CSTPP1: variants seen among roughly 807,000 people sequenced by gnomAD.
CSTPP1 encodes centriolar satellite-associated tubulin polyglutamylase complex regulator 1, also known as UPF0705 protein C11orf49.
chr11:47,074,365 G>C, the CSTPP1 span, among the ~76,000 whole-genome samples: 1 of 151,630 alleles, frequency 6.6e-6, no homozygotes, highest in Non-Finnish European at 1.5e-5. Flanking sequence ...ACCAGGCATA[G>C]TGGCTCACGC....
the CSTPP1 span, among the ~76,000 whole-genome samples, chr11:47,049,608 T>C: frequency 1.3e-5 from 2 of 151,940 alleles, no homozygotes. Flanking sequence ...GCCACTGCAC[T>C]CCAGACTGGG....
chr11:46,967,478 A>C, the CSTPP1 span, among the ~76,000 whole-genome samples: 1 of 152,190 alleles, frequency 6.6e-6, no homozygotes, highest in Non-Finnish European at 1.5e-5. Flanking sequence ...AAATCTTAAA[A>C]TCAGGTAGAG....
At chr11:46,985,081 T>C in the CSTPP1 span, among the ~76,000 whole-genome samples, 1 of 151,516 alleles carries the variant, frequency 6.6e-6, no homozygotes, top group South Asian at 2.1e-4. Context: ...TGTTTTCACC[T>C]CTTTTTGGGT....
At chr11:47,015,440 C>T in the CSTPP1 span, among the ~76,000 whole-genome samples, 40 of 152,084 alleles carry the variant, frequency 2.6e-4, no homozygotes, top group Non-Finnish European at 5.4e-4. Flanking sequence ...TGCCACTGCA[C>T]TCCAGCCTGG....
chr11:47,113,305 A>G, the CSTPP1 span, among the ~76,000 whole-genome samples: 1 of 152,044 alleles, frequency 6.6e-6, no homozygotes, highest in Admixed American at 6.5e-5. Flanking sequence ...AAACATACGT[A>G]TGCATGTGTC....
At chr11:46,964,405 C>T in the CSTPP1 span, among the ~76,000 whole-genome samples, 1 of 152,106 alleles carries the variant, frequency 6.6e-6, no homozygotes, top group Non-Finnish European at 1.5e-5. Context: ...CCTGCCTTAG[C>T]CTCCCGAGTA....
At chr11:47,055,323 C>T in the CSTPP1 span, among the ~76,000 whole-genome samples, 1 of 151,074 alleles carries the variant, frequency 6.6e-6, no homozygotes, top group African/African-American at 2.4e-5. Context: ...TCTTGCCTTC[C>T]TTCCTTCGTT....
chr11:47,070,286 G>C, the CSTPP1 span, among the ~76,000 whole-genome samples: 3 of 152,094 alleles, frequency 2.0e-5, no homozygotes, highest in Non-Finnish European at 2.9e-5. Flanking sequence ...GAGAGAGAGA[G>C]AGCTGGAAGT....
the CSTPP1 span, among the ~76,000 whole-genome samples, chr11:47,069,902 C>T: frequency 6.7e-4 from 102 of 152,094 alleles, no homozygotes; most frequent in African/African-American, 2.3e-3. Flanking sequence ...TTAGTAGAGA[C>T]GGGGGTTTCA....
chr11:47,157,159 C>T, the CSTPP1 span: 51 of 1,612,160 alleles, frequency 3.2e-5, no homozygotes, highest in Non-Finnish European at 3.9e-5. Flanking sequence ...CGCTGGAGGG[C>T]GTGGAGGCGT....
At chr11:47,095,701 A>C in the CSTPP1 span, among the ~76,000 whole-genome samples, 1 of 152,190 alleles carries the variant, frequency 6.6e-6, no homozygotes, top group East Asian at 1.9e-4. Context: ...CACCTCTAAC[A>C]AGTACAAATT....
chr11:47,036,227 TA>T, the CSTPP1 span, among the ~76,000 whole-genome samples: 1 of 46,550 alleles, frequency 2.1e-5, no homozygotes, highest in African/African-American at 5.7e-5. Flanking sequence ...ATATAATATA[TA>T]TAATATATTA....
the CSTPP1 span, among the ~76,000 whole-genome samples, chr11:46,944,794 C>T: frequency 1.3e-5 from 2 of 152,296 alleles, no homozygotes; most frequent in East Asian, 1.9e-4. Context: ...CCAGACTCCT[C>T]CGGCTTCCTT....
the CSTPP1 span, among the ~76,000 whole-genome samples, chr11:46,979,291 G>C: frequency 3.3e-5 from 5 of 151,900 alleles, no homozygotes; most frequent in African/African-American, 1.2e-4. Flanking sequence ...TTTTCACCTT[G>C]TAATTTTATT....
At chr11:47,159,570 T>C in the CSTPP1 span, 1 of 447,850 alleles carries the variant, frequency 2.2e-6, no homozygotes, top group Non-Finnish European at 4.5e-6. Flanking sequence ...GGGAGGCGGG[T>C]GGGATCTGCC....
At chr11:47,023,332 C>G in the CSTPP1 span, 2 of 154,638 alleles carry the variant, frequency 1.3e-5, no homozygotes, top group African/African-American at 2.4e-5. Context: ...TCCTATTGGC[C>G]CTGCAGAAGC....
the CSTPP1 span, among the ~76,000 whole-genome samples, chr11:47,050,266 G>A: frequency 6.6e-6 from 1 of 152,072 alleles, no homozygotes; most frequent in South Asian, 2.1e-4. Context: ...ATTCTACCTG[G>A]CATCACTTAC....
chr11:47,020,087 AT>A, the CSTPP1 span, among the ~76,000 whole-genome samples: 1 of 152,154 alleles, frequency 6.6e-6, no homozygotes, highest in African/African-American at 2.4e-5. Flanking sequence ...CAAATAAAAC[AT>A]TTTTAGATTA....
the CSTPP1 span, among the ~76,000 whole-genome samples, chr11:47,117,655 T>C: frequency 6.6e-6 from 1 of 152,280 alleles, no homozygotes; most frequent in East Asian, 1.9e-4. Context: ...TGTCTGTATT[T>C]CCTGAATTTG....
Sources: gnomAD v4.1 joint callset for allele counts (sites outside exome capture counted in the v4.1 genomes callset) on GRCh38, gnomAD v4.1.1 for gene constraint, MANE v1.5 for transcripts, NCBI Gene and HGNC (gene_info 2026-07-23, HGNC 2026-07-21) for gene names.